ING1: variants seen among roughly 807,000 people sequenced by gnomAD.
The protein encoded by ING1 is inhibitor of growth family member 1.
A neutral mutation model predicts 23.1 loss-of-function variants in ING1; 4 were observed. That is an observed-to-expected ratio of 0.17 (90% confidence interval 0.09 to 0.40). ING1 has a LOEUF of 0.40. ING1 is among the 10% of genes least tolerant of loss of function. The pLI, the probability that ING1 is intolerant of heterozygous loss-of-function variation, is 1.00. For synonymous variants in ING1, 179 were observed against 166.4 expected, an observed-to-expected ratio of 1.08 and a Z score of -0.58; for missense variants, 256 against 393.8, an observed-to-expected ratio of 0.65 and a Z score of 2.96.
intron 1 of ING1, 131 bp downstream of exon 1, chr13:110,714,416 G>A (rs963053355): frequency 9.2e-6 from 8 of 869,902 alleles, no homozygotes; most frequent in African/African-American, 1.8e-5. Flanking sequence ...CCCTCGGCAG[G>A]GGCAGGAACA....
intron 1 of ING1, chr13:110,715,039 CTGGCT>C: frequency 1.0e-6 from 1 of 1,001,024 alleles, no homozygotes; most frequent in Non-Finnish European, 1.2e-6. Context: ...GGGCAGATCG[CTGGCT>C]TGGAGAGGAC....
chr13:110,713,621 T>C (rs2064067295), upstream of ING1: 10 of 984,092 alleles, frequency 1.0e-5, no homozygotes, highest in Non-Finnish European at 1.2e-5. Flanking sequence ...GGCGGGGCCG[T>C]TGCCGGGGGA....
chr13:110,713,549 G>T (rs1242894083), upstream of ING1: 4 of 986,078 alleles, frequency 4.1e-6, no homozygotes, highest in Non-Finnish European at 4.8e-6. Flanking sequence ...CCCCCGCGAG[G>T]GCCGGCCTGG....
chr13:110,716,594 T>A (rs1226040031), intron 1 of ING1, among the ~76,000 whole-genome samples: 1 of 152,210 alleles, frequency 6.6e-6, no homozygotes, highest in Non-Finnish European at 1.5e-5. Flanking sequence ...TTTCAAACAT[T>A]ATCATAAAAA....
upstream of ING1, chr13:110,713,059 G>C: frequency 6.8e-7 from 1 of 1,460,878 alleles, no homozygotes; most frequent in Non-Finnish European, 9.0e-7. Context: ...ACTTCCGCCC[G>C]TGCCCGGCCC....
chr13:110,715,967 C>A (rs750498729), intron 1 of ING1: 10 of 1,529,394 alleles, frequency 6.5e-6, no homozygotes, highest in Non-Finnish European at 8.7e-6. Flanking sequence ...CAGGCCGCAT[C>A]TCTGCTGACC....
Position 110,719,113 on chromosome 13 carries a change from C to A in ING1, c.137-116C>A. ...TGTGGCTGGTGGGCTTTGTTCTGGG[C>A]AAGCCGTGCGCTGGCCCCTAGGCTC... On this transcript the variant is annotated intron_variant, in intron 1 of 1. Coordinates refer to ENST00000333219, the MANE Select transcript of ING1 (RefSeq NM_198219.3). The surrounding 1 kb of genome is among the most constrained non-coding windows in gnomAD (Gnocchi z 8.9). The A allele has an allele frequency of 3.2e-6, 3 of 938,082 alleles. No homozygotes were observed. The highest frequency in any genetic ancestry group is 4.8e-6 in the Non-Finnish European group (3 of 630,884). The allele number at this position is 938,082 out of a possible 1,614,324, so 58.1% of individuals were successfully genotyped here.
intron 1 of ING1, among the ~76,000 whole-genome samples, chr13:110,718,457 G>A (rs1291476147): frequency 6.6e-6 from 1 of 152,146 alleles, no homozygotes; most frequent in Non-Finnish European, 1.5e-5. Context: ...GCAAAGCTAG[G>A]TTTTCTGGAT....
In ING1 at chr13:110,721,571, AT is replaced by A. The variant is rs775313148; in HGVS notation, c.*1660del. 632 of 89,128 alleles carry A rather than the reference AT, an allele frequency of 7.1e-3. 6 individuals carry two copies. Among genetic ancestry groups the A allele is most frequent in the African/African-American group, 0.022 (516 of 23,036 alleles). 5.5% of individuals were successfully genotyped at this position (89,128 alleles called of 1,614,324 possible). A position where few individuals can be genotyped will look rare whatever the true frequency, so the allele number is the denominator to read the frequency against. On this transcript the variant is annotated 3_prime_UTR_variant, in exon 2 of 2. Transcript: ENST00000333219. ...GCCACCGTGCCCGGCTGGAGTTTTC[AT>A]TTTTTTTTTTTTTTTTTTTTCTGAG... is the stretch of plus-strand genomic sequence containing the variant.
In ING1 at chr13:110,721,185, C is replaced by T. The variant is rs538575685; in HGVS notation, c.*1253C>T. The T allele has an allele frequency of 6.2e-6, 1 of 160,856 alleles. No homozygotes were observed. Among genetic ancestry groups the T allele is most frequent in the East Asian group, 1.9e-4 (1 of 5,196 alleles). 10.0% of individuals were successfully genotyped at this position (160,856 alleles called of 1,614,324 possible). A position where few individuals can be genotyped will look rare whatever the true frequency, so the allele number is the denominator to read the frequency against. On this transcript the variant is annotated 3_prime_UTR_variant, in exon 2 of 2. Transcript: ENST00000333219. ...CAAGCCAAAACTATTTTCTGGCCCT[C>T]TGCAGAAAGGGTTTGCTGACCTCTG... is the stretch of plus-strand genomic sequence containing the variant.
rs746368131 is a variant in ING1, at chr13:110,719,341, G to A, written c.249G>A (p.Glu83=). Residue 83 remains glutamate, a synonymous_variant, in exon 2 of 2, where the codon GAG becomes GAA. Coordinates refer to ENST00000333219, the MANE Select transcript of ING1 (RefSeq NM_198219.3). This position sits in a 1 kb window ranked among gnomAD's most constrained non-coding sequence, Gnocchi z 8.9. ...AGCGCGCGCTGATCCGCAGCCAGGA[G>A]CTGGGCGACGAGAAGATCCAGATCG... ...CVQRALIRSQ[E]LGDEKIQIVS... is the part of the protein sequence containing the mutation. 1 of 1,609,106 alleles carries A rather than the reference G, an allele frequency of 6.2e-7. No homozygotes were observed. Among genetic ancestry groups the A allele is most frequent in the Non-Finnish European group, 8.5e-7 (1 of 1,179,846 alleles).
chr13:110,713,171 G>A (rs2064057146), upstream of ING1: 1 of 1,427,960 alleles, frequency 7.0e-7, no homozygotes, highest in Non-Finnish European at 9.1e-7. Flanking sequence ...TGATTGGGCT[G>A]TCAAAGTGAT....
chr13:110,716,992 T>C (rs937322187), intron 1 of ING1, among the ~76,000 whole-genome samples: 7 of 152,234 alleles, frequency 4.6e-5, no homozygotes, highest in Non-Finnish European at 1.0e-4. Context: ...GGATATCTGT[T>C]TCTCTTGCCC....
chr13:110,715,881 G>A (rs549407982), intron 1 of ING1: 2 of 1,589,980 alleles, frequency 1.3e-6, no homozygotes, highest in East Asian at 4.5e-5. Context: ...CAGTGATCCC[G>A]GGCCTGTGGG....
At chr13:110,712,899 C>T, upstream of ING1, 3 of 1,511,410 alleles carry the variant, frequency 2.0e-6, no homozygotes, top group Middle Eastern at 1.7e-4. Flanking sequence ...GGAGACGACA[C>T]AAAGGGAGGG....
rs367836624 is a variant in ING1 at position 110,719,583 on chromosome 13, G to A, written c.491G>A (p.Ser164Asn). 4.9e-5 allele frequency: 79 copies of A among 1,611,394 alleles called. No individual in the cohort carries two copies. Among genetic ancestry groups the A allele is most frequent in the Non-Finnish European group, 6.1e-5 (72 of 1,179,336 alleles). The change falls in exon 2 of 2, where the codon AGC (serine) becomes AAC (asparagine). Residue 164 changes from serine to asparagine, a missense_variant. Physicochemically the swap from Ser to Asn is conservative, Grantham distance 46. This residue lies in a region of ING1 where 209 missense variants were observed against 273.8 expected (regional missense o/e 0.76). Transcript: ENST00000333219. This position sits in a 1 kb window ranked among gnomAD's most constrained non-coding sequence, Gnocchi z 8.9. ...RNNENRENAS[S>N]NHDHDDGASG... ...AACGAGAACCGTGAGAACGCGTCCA[G>A]CAACCACGACCACGACGACGGCGCC...
chr13:110,715,817 G>C (rs7338333), intron 1 of ING1: 1 of 1,580,638 alleles, frequency 6.3e-7, no homozygotes, highest in South Asian at 1.1e-5. Flanking sequence ...GTGTCGCCCC[G>C]GCCCCTCTCC....
upstream of ING1, chr13:110,713,219 G>A: frequency 7.1e-7 from 1 of 1,417,938 alleles, no homozygotes; most frequent in Non-Finnish European, 9.2e-7. Flanking sequence ...TGCCAGTTCT[G>A]TTTCGGGCCC....
At chr13:110,714,963 A>T (rs998787197) in intron 1 of ING1, 53 of 976,304 alleles carry the variant, frequency 5.4e-5, no homozygotes, top group Non-Finnish European at 4.1e-5. Flanking sequence ...TGCCGTAGGG[A>T]AGGGAAGGGA....
Sources: gnomAD v4.1 joint callset for allele counts (sites outside exome capture counted in the v4.1 genomes callset) on GRCh38, gnomAD v4.1.1 for gene constraint, gnomAD v4.1.1 regional missense constraint, Gnocchi (gnomAD v3.1) non-coding constraint, MANE v1.5 for transcripts, NCBI Gene and HGNC (gene_info 2026-07-23, HGNC 2026-07-21) for gene names.